ZNF705A: variants seen among roughly 807,000 people sequenced by gnomAD.
ZNF705A encodes zinc finger protein 705A.
A neutral mutation model predicts 16.6 loss-of-function variants in ZNF705A; 8 were observed. The observed-to-expected ratio is 0.48, with a 90% CI of 0.28 to 0.87. The LOEUF is 0.87. Among genes scored for constraint, ZNF705A ranks in the 40% least tolerant of loss-of-function variants. The pLI, the probability that ZNF705A is intolerant of heterozygous loss-of-function variation, is 0.10. For synonymous variants in ZNF705A, 73 were observed against 117.3 expected (o/e 0.62, Z 2.44); for missense variants, 233 against 359.9 (o/e 0.65, Z 2.85).
At chr12:8,177,615 A>G (rs1591626651) in exon 5 of ZNF705A, 3 of 1,561,584 alleles carry the variant, frequency 1.9e-6, no homozygotes, top group East Asian at 2.2e-5. Context: ...GAAAAGCCAT[A>G]TGAATGCCAT....
At chr12:8,170,186 C>G (rs1444418389), upstream of ZNF705A, among the ~76,000 whole-genome samples, 3 of 85,182 alleles carry the variant, frequency 3.5e-5, no homozygotes, top group Non-Finnish European at 6.1e-5. Flanking sequence ...CGAAACTCTC[C>G]CCCCCCCCCC....
chr12:8,164,166 T>C (rs777216788), intron 1 of ZNF705A, among the ~76,000 whole-genome samples: 2 of 152,338 alleles, frequency 1.3e-5, no homozygotes, highest in Admixed American at 6.5e-5. Context: ...GTAAGCACTA[T>C]GCTGTAAACG....
At chr12:8,179,393 T>C (rs1948513686) in exon 5 of ZNF705A, 1 of 152,162 alleles carries the variant, frequency 6.6e-6, no homozygotes, top group Non-Finnish European at 1.5e-5. Flanking sequence ...CGAAGCAAAA[T>C]GAAAGTTCTC....
At chr12:8,157,517 G>C (rs893458413) in intron 1 of ZNF705A, among the ~76,000 whole-genome samples, 3 of 152,064 alleles carry the variant, frequency 2.0e-5, no homozygotes, top group Non-Finnish European at 4.4e-5. Context: ...ATTCTCTCCA[G>C]TGGAAATAAT....
intron 1 of ZNF705A, 151 bp from the exon 3 acceptor site, chr12:8,174,175 G>GAT: frequency 7.1e-7 from 1 of 1,412,668 alleles, no homozygotes; most frequent in Non-Finnish European, 9.6e-7. Context: ...CTGAAAGGCA[G>GAT]ATACCAGCTT....
At chr12:8,174,543 A>C in intron 2 of ZNF705A, 91 bp downstream of exon 3, 1 of 1,592,024 alleles carries the variant, frequency 6.3e-7, no homozygotes, top group South Asian at 1.1e-5. Context: ...ATCTCACTCT[A>C]ATCTCTTCTC....
At chr12:8,169,008 A>C (rs1483690899), upstream of ZNF705A, 1 of 152,118 alleles carries the variant, frequency 6.6e-6, no homozygotes, top group Non-Finnish European at 1.5e-5. Flanking sequence ...ATTTTTCATA[A>C]CTTACTTTAA....
At chr12:8,161,497 G>C (rs1348605374) in intron 1 of ZNF705A, among the ~76,000 whole-genome samples, 1 of 115,626 alleles carries the variant, frequency 8.6e-6, no homozygotes, top group Non-Finnish European at 1.8e-5. Flanking sequence ...GTCTTTCAGG[G>C]TATCTAATTC....
chr12:8,178,428 A>C (rs968406158), exon 5 of ZNF705A: 2 of 152,790 alleles, frequency 1.3e-5, no homozygotes, highest in East Asian at 3.8e-4. Context: ...GAAAGGAGAA[A>C]ATTCTTTAGT....
chr12:8,175,042 T>C (rs1371814671), intron 2 of ZNF705A, among the ~76,000 whole-genome samples, 186 bp from the exon 4 acceptor site: 1 of 152,174 alleles, frequency 6.6e-6, no homozygotes, highest in Non-Finnish European at 1.5e-5. Flanking sequence ...GGCCCTTTTG[T>C]TTAGATTTAT....
chr12:8,163,117 G>T (rs955458850), intron 1 of ZNF705A, among the ~76,000 whole-genome samples: 1 of 152,124 alleles, frequency 6.6e-6, no homozygotes, highest in African/African-American at 2.4e-5. Flanking sequence ...TTGGATTCTA[G>T]ATCTCTAGAT....
chr12:8,176,693 A>G (rs1371009513), intron 4 of ZNF705A, among the ~76,000 whole-genome samples: 1 of 152,164 alleles, frequency 6.6e-6, no homozygotes, highest in Non-Finnish European at 1.5e-5. Flanking sequence ...TAATTTTAAC[A>G]GCTCATGAGG....
intron 1 of ZNF705A, among the ~76,000 whole-genome samples, chr12:8,167,002 C>T (rs1948404793): frequency 6.6e-6 from 1 of 152,236 alleles, no homozygotes; most frequent in African/African-American, 2.4e-5. Flanking sequence ...TCAGACAATA[C>T]CAGTGGTCTT....
At chr12:8,176,871 A>G (rs1948487527) in intron 4 of ZNF705A, 128 bp from the exon 6 acceptor site, 1 of 1,404,260 alleles carries the variant, frequency 7.1e-7, no homozygotes, top group African/African-American at 1.4e-5. Context: ...CCTTTCACAC[A>G]AGAAACATTG....
chr12:8,174,105 C>T (rs184284690), intron 1 of ZNF705A, among the ~76,000 whole-genome samples: 83 of 152,158 alleles, frequency 5.5e-4, no homozygotes, highest in Non-Finnish European at 8.1e-4. Context: ...ACACCTCACG[C>T]GATATTTCTT....
upstream of ZNF705A, among the ~76,000 whole-genome samples, chr12:8,167,838 A>G (rs1254949328): frequency 6.6e-6 from 1 of 152,186 alleles, no homozygotes. Flanking sequence ...GCAGGAGTGG[A>G]AGTTTATTTA....
At chr12:8,168,305 C>G (rs985658776), upstream of ZNF705A, among the ~76,000 whole-genome samples, 1 of 152,194 alleles carries the variant, frequency 6.6e-6, no homozygotes, top group Non-Finnish European at 1.5e-5. Flanking sequence ...CGTCACCTGA[C>G]ATTTCTAGTG....
chr12:8,165,837 G>A (rs551683228), intron 1 of ZNF705A, among the ~76,000 whole-genome samples: 100 of 152,096 alleles, frequency 6.6e-4, no homozygotes, highest in Non-Finnish European at 1.2e-3. Context: ...CTATGTTGGT[G>A]CAAAGGACAT....
intron 1 of ZNF705A, among the ~76,000 whole-genome samples, chr12:8,160,775 G>A (rs996437811): frequency 6.6e-6 from 1 of 152,110 alleles, no homozygotes; most frequent in Non-Finnish European, 1.5e-5. Flanking sequence ...TCAGCAAACG[G>A]TGACAGCTGA....
Sources: allele counts gnomAD v4.1 joint callset (sites outside exome capture counted in the v4.1 genomes callset), GRCh38; gene constraint gnomAD v4.1.1; transcripts MANE v1.5; gene names NCBI Gene and HGNC (gene_info 2026-07-23, HGNC 2026-07-21).